Variants in CA10 observed in about 807,000 individuals in gnomAD.
The protein encoded by CA10 is carbonic anhydrase-related protein 10.
CA10 carries 14 observed loss-of-function variants against 44.2 expected under a neutral mutation model. The ratio of observed to expected loss-of-function variants is 0.32; its 90% CI spans 0.21 to 0.50. CA10 has a LOEUF of 0.50. Among genes scored for constraint, CA10 ranks in the 20% least tolerant of loss-of-function variants. The probability of loss-of-function intolerance (pLI) is 0.99; values close to 1 mark genes in which losing one functional copy is unlikely to be tolerated. For synonymous variants in CA10, 159 were observed against 141.6 expected (o/e 1.12, Z -0.87); for missense variants, 350 against 409.7 (o/e 0.85, Z 1.26).
chr17:51,986,993 T>C (rs961095557), intron 2 of CA10, among the ~76,000 whole-genome samples: 1 of 152,036 alleles, frequency 6.6e-6, no homozygotes, highest in Non-Finnish European at 1.5e-5. Context: ...GCTCTAGCAA[T>C]TTCACTACTG....
At chr17:51,787,469 C>T (rs1906335303) in intron 3 of CA10, among the ~76,000 whole-genome samples, 1 of 151,662 alleles carries the variant, frequency 6.6e-6, no homozygotes, top group African/African-American at 2.4e-5. Context: ...TCACTGATAT[C>T]ATGGTTTTTT....
Position 52,067,540 on chromosome 17 carries a change from T to G in CA10, c.136+4779A>C, listed in dbSNP as rs1987570681. Reference sequence around the variant, plus strand: ...TCCTACAGAGTCCCCACTGGGGCACTGCCTAGTGGAGCTGTGAGAAAAGGA... The same window carrying G: ...TCCTACAGAGTCCCCACTGGGGCACGGCCTAGTGGAGCTGTGAGAAAAGGA... On this transcript the variant is annotated intron_variant, in intron 2 of 8. Transcript: ENST00000451037. Among the ~76,000 whole-genome samples the G allele has an allele frequency of 2.0e-5, 3 of 152,346 alleles. No homozygotes were observed. In the South Asian group the frequency reaches 6.2e-4, roughly 32 times the overall value.
At chr17:51,667,010 T>C (rs907497086) in intron 4 of CA10, among the ~76,000 whole-genome samples, 2 of 152,216 alleles carry the variant, frequency 1.3e-5, no homozygotes, top group African/African-American at 4.8e-5. Flanking sequence ...TACCCACATT[T>C]ATGTGGAAAA....
chr17:51,945,371 A>G (rs1983234836), intron 2 of CA10, among the ~76,000 whole-genome samples: 1 of 152,158 alleles, frequency 6.6e-6, no homozygotes, highest in African/African-American at 2.4e-5. Context: ...CTGGGAGACC[A>G]CAGGCTTTCC....
At chr17:51,726,830 C>G (rs991137017) in intron 4 of CA10, among the ~76,000 whole-genome samples, 2 of 152,112 alleles carry the variant, frequency 1.3e-5, no homozygotes, top group Non-Finnish European at 2.9e-5. Flanking sequence ...AGAGATTTTT[C>G]AGAGAACTGC....
At chr17:52,140,612 T>G (rs1989457279) in intron 1 of CA10, among the ~76,000 whole-genome samples, 1 of 152,214 alleles carries the variant, frequency 6.6e-6, no homozygotes, top group Admixed American at 6.5e-5. Flanking sequence ...CTGGATTTGG[T>G]CAGTGGGCCA....
intron 2 of CA10, among the ~76,000 whole-genome samples, chr17:52,053,637 C>T (rs1238198024): frequency 1.3e-5 from 2 of 151,970 alleles, no homozygotes; most frequent in East Asian, 3.9e-4. Context: ...GAAAGGAAAT[C>T]TAAAAATTAA....
At chr17:51,744,753 C>A (rs1398356855) in intron 4 of CA10, among the ~76,000 whole-genome samples, 1 of 152,176 alleles carries the variant, frequency 6.6e-6, no homozygotes, top group Non-Finnish European at 1.5e-5. Flanking sequence ...TAGCTACCAC[C>A]CATTGGCCAT....
In CA10 at chr17:52,080,417, A is replaced by C. The variant is rs539925767; in HGVS notation, c.62-8024T>G. 7.6e-4 allele frequency among the ~76,000 whole-genome samples: 116 copies of C among 151,872 alleles called. 1 individual carries two copies. The highest frequency in any genetic ancestry group is 2.4e-3 in the African/African-American group (100 of 41,396). On this transcript the variant is annotated intron_variant, in intron 1 of 8. Transcript: ENST00000451037. ...CAGTGAGCCGAGATTGCACCACTGC[A>C]CTCCAGCCTGGGTGACAGAGCGAGA... is the stretch of plus-strand genomic sequence containing the variant.
At chr17:52,027,986 G>T (rs919036538) in intron 2 of CA10, among the ~76,000 whole-genome samples, 1 of 152,120 alleles carries the variant, frequency 6.6e-6, no homozygotes, top group Non-Finnish European at 1.5e-5. Flanking sequence ...GCTGAGGTGA[G>T]TTCTCTCTAA....
At chr17:51,821,821 A>G (rs1907813464) in intron 3 of CA10, among the ~76,000 whole-genome samples, 1 of 152,196 alleles carries the variant, frequency 6.6e-6, no homozygotes, top group Non-Finnish European at 1.5e-5. Context: ...TTAGAGTCAG[A>G]AGACCTAAGT....
At chr17:52,156,783 T>C (rs1989812520) in intron 1 of CA10, among the ~76,000 whole-genome samples, 1 of 152,204 alleles carries the variant, frequency 6.6e-6, no homozygotes, top group African/African-American at 2.4e-5. Context: ...AAATGGGCTT[T>C]TCCTTGGGTG....
chr17:51,872,286 T>G (rs1979854322), intron 3 of CA10, among the ~76,000 whole-genome samples: 1 of 152,162 alleles, frequency 6.6e-6, no homozygotes, highest in African/African-American at 2.4e-5. Context: ...TTTTTCAGCT[T>G]TATTACTCAC....
At chr17:51,991,986 A>G (rs1049592602) in intron 2 of CA10, among the ~76,000 whole-genome samples, 19 of 151,938 alleles carry the variant, frequency 1.3e-4, no homozygotes, top group Non-Finnish European at 2.9e-5. Flanking sequence ...CTTTGTTTTT[A>G]TTACAAAACA....
At chr17:52,047,099 A>G (rs758824967) in intron 2 of CA10, among the ~76,000 whole-genome samples, 4 of 152,048 alleles carry the variant, frequency 2.6e-5, no homozygotes, top group Admixed American at 6.6e-5. Flanking sequence ...TGTGATTGTG[A>G]TGTATGTATA....
At chr17:51,838,417 C>T (rs545573142) in intron 3 of CA10, among the ~76,000 whole-genome samples, 1 of 152,328 alleles carries the variant, frequency 6.6e-6, no homozygotes, top group South Asian at 2.1e-4. Flanking sequence ...CCTCCAACCC[C>T]CCACCTCCAT....
At chr17:51,800,357 G>T (rs1355290485) in intron 3 of CA10, among the ~76,000 whole-genome samples, 1 of 152,118 alleles carries the variant, frequency 6.6e-6, no homozygotes, top group African/African-American at 2.4e-5. Context: ...GAGGGAAATG[G>T]GGGTGACTTC....
intron 4 of CA10, among the ~76,000 whole-genome samples, chr17:51,681,841 G>T (rs753654980): frequency 6.6e-6 from 1 of 152,004 alleles, no homozygotes; most frequent in Non-Finnish European, 1.5e-5. Flanking sequence ...ACCCTTCTGC[G>T]TCTCCAGTGT....
At chr17:51,927,396 T>C (rs1289443102) in intron 3 of CA10, among the ~76,000 whole-genome samples, 2 of 152,256 alleles carry the variant, frequency 1.3e-5, no homozygotes, top group East Asian at 1.9e-4. Context: ...ATATGTTTTT[T>C]CTCCTTTTAG....
Sources: allele counts gnomAD v4.1 joint callset (sites outside exome capture counted in the v4.1 genomes callset), GRCh38; gene constraint gnomAD v4.1.1; transcripts MANE v1.5; gene names NCBI Gene and HGNC (gene_info 2026-07-23, HGNC 2026-07-21).